The following NTRK1 variants were observed in gnomAD, a reference collection of about 807,000 sequenced individuals.
NTRK1 encodes high affinity nerve growth factor receptor.
Under a neutral mutation model 86.8 loss-of-function variants are expected in NTRK1, and 62 were observed. The observed-to-expected ratio is 0.71, with a 90% CI of 0.58 to 0.88. The LOEUF (loss-of-function observed/expected upper bound fraction) is 0.88. Among genes scored for constraint, NTRK1 ranks in the 40% least tolerant of loss-of-function variants. The pLI, the probability that NTRK1 is intolerant of heterozygous loss-of-function variation, is 0.00. For missense variants in NTRK1, 967 were observed against 1,078.4 expected (o/e 0.90, Z 1.45); for synonymous variants, 469 against 456.6 (o/e 1.03, Z -0.35).
chr1:156,875,445 A>G, intron 11 of NTRK1, 75 bp from the exon 12 acceptor site: 1 of 1,592,442 alleles, frequency 6.3e-7, no homozygotes, highest in Admixed American at 1.7e-5. Context: ...GGGGGTGACC[A>G]GGCATCCTGC....
chr1:156,853,793 T>C lies in NTRK1; in HGVS notation c.51-10561T>C, dbSNP rs1655313516. The C allele has an allele frequency of 1.9e-6, 3 of 1,610,460 alleles. No individual in the cohort carries two copies. Among genetic ancestry groups the C allele is most frequent in the East Asian group, 4.5e-5 (2 of 44,734 alleles). ...GGAGGTCCAGCATCTGTAGTCAGTGTGCCCGCTGAAGGTGGTCTTGGCACA... is the reference window on the plus strand; with the variant it reads ...GGAGGTCCAGCATCTGTAGTCAGTGCGCCCGCTGAAGGTGGTCTTGGCACA... On this transcript the variant is annotated intron_variant, in intron 2 of 16. Coordinates refer to the NTRK1 transcript ENST00000392302.
intron 1 of NTRK1, among the ~76,000 whole-genome samples, chr1:156,830,546 G>A (rs1654440691): frequency 7.6e-6 from 1 of 130,958 alleles, no homozygotes; most frequent in African/African-American, 2.7e-5. Context: ...GAGGTTGTGG[G>A]ATTCTTTTTT....
In NTRK1 at chr1:156,842,917, C is replaced by T. The variant is rs545506314; in HGVS notation, c.50+724C>T. 5 of 1,039,278 alleles carry T rather than the reference C, an allele frequency of 4.8e-6. No individual in the cohort carries two copies. The African/African-American group carries it at 7.9e-5, about 16-fold the overall frequency. 64.4% of individuals were successfully genotyped at this position (1,039,278 alleles called of 1,614,324 possible). ...GGTCCCAATCTTGACCTTAATGGTG[C>T]CCTAACCTCATCTCTGACCCTTTCT... On this transcript the variant is annotated intron_variant, in intron 2 of 16. Coordinates refer to the NTRK1 transcript ENST00000392302.
chr1:156,871,217 A>G (rs1647527332), intron 6 of NTRK1, among the ~76,000 whole-genome samples: 1 of 152,132 alleles, frequency 6.6e-6, no homozygotes, highest in African/African-American at 2.4e-5. Flanking sequence ...TTTTGTGCCT[A>G]TTTTGAGGCT....
At chr1:156,841,475 T>C (rs1474319398) in intron 1 of NTRK1, 1 of 1,613,992 alleles carries the variant, frequency 6.2e-7, no homozygotes. Context: ...GGACAGGCCC[T>C]GGTAGGGTTG....
At chr1:156,870,777 A>T (rs1647504409) in intron 6 of NTRK1, among the ~76,000 whole-genome samples, 1 of 152,164 alleles carries the variant, frequency 6.6e-6, no homozygotes, top group East Asian at 1.9e-4. Flanking sequence ...TAATTTGTCC[A>T]CCTCTTCAGC....
At chr1:156,876,608 C>G (rs2102920364) in intron 14 of NTRK1, 36 bp downstream of exon 14, 3 of 1,590,542 alleles carry the variant, frequency 1.9e-6, no homozygotes, top group Non-Finnish European at 2.6e-6. Flanking sequence ...GCCCCGGCCC[C>G]TGGCTCTGGG....
intron 2 of NTRK1, among the ~76,000 whole-genome samples, chr1:156,847,557 A>G (rs79177042): frequency 1.3e-5 from 2 of 152,318 alleles, no homozygotes; most frequent in East Asian, 3.9e-4. Flanking sequence ...ATGCTGAGCC[A>G]GGGACAAAAC....
rs1434897221 is a variant in NTRK1 at position 156,873,714 on chromosome 1, C to T, written c.932C>T (p.Pro311Leu). The T allele has an allele frequency of 6.2e-7, 1 of 1,612,138 alleles. No homozygotes were observed. The highest frequency in any genetic ancestry group is 1.3e-5 in the African/African-American group (1 of 74,862). ...TTCTCTGTGGATGGGCAGCCGGCACCGTCTCTGCGCTGGCTCTTCAATGGC... is the reference window on the plus strand; with the variant it reads ...TTCTCTGTGGATGGGCAGCCGGCACTGTCTCTGCGCTGGCTCTTCAATGGC... ...IPFSVDGQPA[P>L]SLRWLFNGSV... is the part of the protein sequence containing the mutation. The change falls in exon 8 of 17, where the codon CCG (proline) becomes CTG (leucine). Residue 311 changes from proline (P) to leucine (L), a missense_variant. Pro to Leu is a moderately conservative substitution (Grantham distance 98). Transcript: ENST00000524377.
intron 3 of NTRK1, among the ~76,000 whole-genome samples, chr1:156,866,516 C>G (rs1468995526): frequency 6.6e-6 from 1 of 152,192 alleles, no homozygotes; most frequent in Non-Finnish European, 1.5e-5. Context: ...AACCCTCCCC[C>G]TCTTCCTCTG....
In NTRK1 at chr1:156,854,314, A is replaced by G; in HGVS notation, c.51-10040A>G. 6.3e-7 allele frequency: 1 copy of G among 1,599,902 alleles called. No homozygotes were observed. Among genetic ancestry groups the G allele is most frequent in the East Asian group, 2.2e-5 (1 of 44,690 alleles). ...CCAGGCTGGGGCACACTGTGGGCAT[A>G]CACGGCACGCAGCATTGAGTACAGC... On this transcript the variant is annotated intron_variant, in intron 2 of 16. Transcript: ENST00000392302. The surrounding 1 kb of genome is among the most constrained non-coding windows in gnomAD (Gnocchi z 4.2).
chr1:156,874,692 A>G (rs1275366921), intron 10 of NTRK1, 66 bp downstream of exon 10: 13 of 1,506,562 alleles, frequency 8.6e-6, no homozygotes, highest in African/African-American at 1.4e-5. Flanking sequence ...GCTCATCTGC[A>G]TGTCATTTCT....
intron 11 of NTRK1, among the ~76,000 whole-genome samples, 167 bp downstream of exon 11, chr1:156,875,175 A>T: frequency 6.7e-6 from 1 of 149,946 alleles, no homozygotes; most frequent in East Asian, 2.0e-4. Context: ...TGTGAGTGTG[A>T]GTGTGTGTGG....
At chr1:156,819,454 T>G (rs180907733) in intron 1 of NTRK1, among the ~76,000 whole-genome samples, 1 of 152,284 alleles carries the variant, frequency 6.6e-6, no homozygotes, top group East Asian at 1.9e-4. Context: ...TACTTTCTTT[T>G]GAGAAATGTC....
At position 156,848,989 on chromosome 1, in the gene NTRK1, T is replaced by C. The variant is rs574276346; in HGVS notation, c.50+6796T>C. 2.5e-6 allele frequency: 4 copies of C among 1,612,032 alleles called. No individual in the cohort carries two copies. The African/African-American group carries it at 4.0e-5, about 16-fold the overall frequency. On this transcript the variant is annotated intron_variant, in intron 2 of 16. Coordinates refer to the NTRK1 transcript ENST00000392302. ...CCAGTGGCTCATAGCGCTCCCAGCG[T>C]AGCAGGATGCGGTCTGCCTCCGTCA...
intron 1 of NTRK1, among the ~76,000 whole-genome samples, chr1:156,824,717 T>C (rs752223456): frequency 1.3e-5 from 2 of 152,156 alleles, no homozygotes; most frequent in Non-Finnish European, 2.9e-5. Flanking sequence ...TTGTCAGAGA[T>C]GACATGGCAG....
At position 156,875,645 on chromosome 1, in the gene NTRK1, C is replaced by A. The variant is rs764737760; in HGVS notation, c.1480C>A (p.Pro494Thr). The A allele has an allele frequency of 6.4e-5, 103 of 1,612,902 alleles. No homozygotes were observed. The highest frequency in any genetic ancestry group is 8.6e-5 in the Non-Finnish European group (102 of 1,179,910). Reference protein sequence around the residue: ...SGLQGHIIENPQYFSDACVHH... With the variant: ...SGLQGHIIENTQYFSDACVHH... ...GCTCCAAGGCCACATCATCGAGAAC[C>A]CACAATACTTCAGTGATGCCTGTGA... The change falls in exon 12 of 17, where the codon CCA becomes ACA. Residue 494 changes from proline (P) to threonine (T), a missense_variant. By Grantham distance (38) the Pro-to-Thr change is conservative (BLOSUM62 -1). Coordinates refer to ENST00000524377, the MANE Select transcript of NTRK1 (RefSeq NM_002529.4).
intron 2 of NTRK1, among the ~76,000 whole-genome samples, chr1:156,849,988 G>A (rs1239969639): frequency 6.6e-6 from 1 of 151,392 alleles, no homozygotes; most frequent in Non-Finnish European, 1.5e-5. Context: ...CTGCCGCCTT[G>A]ACCTCCCGGG....
At chr1:156,852,814 G>T (rs1159783246) in intron 2 of NTRK1, among the ~76,000 whole-genome samples, 1 of 152,170 alleles carries the variant, frequency 6.6e-6, no homozygotes, top group South Asian at 2.1e-4. Flanking sequence ...GAGAGGATGC[G>T]CAGCAGCTGT....
Sources: gnomAD v4.1 joint callset for allele counts (sites outside exome capture counted in the v4.1 genomes callset) on GRCh38, gnomAD v4.1.1 for gene constraint, Gnocchi (gnomAD v3.1) non-coding constraint, MANE v1.5 for transcripts, NCBI Gene and HGNC (gene_info 2026-07-23, HGNC 2026-07-21) for gene names.